RICTOR: variants seen among roughly 807,000 people sequenced by gnomAD.
The protein encoded by RICTOR is RPTOR independent companion of MTOR complex 2, also known as rapamycin-insensitive companion of mTOR.
In RICTOR, 49 loss-of-function variants were observed where a neutral mutation model predicts 214.9. That is an observed-to-expected ratio of 0.23 (90% CI 0.18 to 0.29). RICTOR has a LOEUF of 0.29. RICTOR is among the 10% of genes least tolerant of loss of function. RICTOR has a pLI of 1.00. For missense variants in RICTOR, 1,625 were observed against 2,047.0 expected (o/e 0.79, Z 3.98); for synonymous variants, 717 against 711.3 (o/e 1.01, Z -0.13).
At chr5:38,953,188 G>C (rs1748944070) in intron 28 of RICTOR, 97 bp from the exon 29 acceptor site, 6 of 808,820 alleles carry the variant, frequency 7.4e-6, no homozygotes, top group Admixed American at 5.0e-5. Context: ...ATCTCTGAGA[G>C]AGAAAAAATG....
chr5:39,016,713 G>C (rs1393416851), intron 3 of RICTOR, among the ~76,000 whole-genome samples: 1 of 152,116 alleles, frequency 6.6e-6, no homozygotes, highest in African/African-American at 2.4e-5. Context: ...CAGATTCCTA[G>C]AAATGAAGGC....
chr5:39,004,528 G>C (rs534042006), intron 3 of RICTOR, among the ~76,000 whole-genome samples: 128 of 150,020 alleles, frequency 8.5e-4, no homozygotes, highest in Middle Eastern at 3.5e-3. Context: ...GGCCTGATCT[G>C]AGATCACTGC....
At chr5:39,043,577 T>A (rs1757305627) in intron 2 of RICTOR, among the ~76,000 whole-genome samples, 1 of 152,178 alleles carries the variant, frequency 6.6e-6, no homozygotes, top group Non-Finnish European at 1.5e-5. Flanking sequence ...CAGTACTGTA[T>A]TGTATATTTC....
At chr5:38,990,537 GAT>G (rs1333817100) in intron 7 of RICTOR, among the ~76,000 whole-genome samples, 2 of 145,488 alleles carry the variant, frequency 1.4e-5, no homozygotes, top group Non-Finnish European at 3.0e-5. Flanking sequence ...ATATATATAC[GAT>G]ATATACACGA....
intron 7 of RICTOR, among the ~76,000 whole-genome samples, chr5:38,985,232 T>G (rs1468160554): frequency 6.6e-6 from 1 of 152,210 alleles, no homozygotes; most frequent in Admixed American, 6.5e-5. Context: ...GTCCTTTATA[T>G]AAAATGGCAT....
Position 38,945,021 on chromosome 5 carries a change from T to G in RICTOR, c.4681A>C (p.Asn1561His). Residue 1561 changes from asparagine (N) to histidine (H), a missense_variant, in exon 35 of 38, where the codon AAT (asparagine) becomes CAT (histidine). Around this residue, in one of 5 missense-constraint regions of RICTOR, gnomAD observed 1,214 missense variants for 1,470.5 expected, o/e 0.83. Coordinates refer to ENST00000357387, the MANE Select transcript of RICTOR (RefSeq NM_152756.5). ...TTAGAGGGAACCACTTCTAAAGGAT[T>G]ATGGATAGTCTGCTCACACCAATCA... is the stretch of plus-strand genomic sequence containing the variant. The part of the protein sequence containing the change: ...YSDWCEQTIH[N>H]PLEVVPSKFS... 1 of 1,611,950 alleles carries G rather than the reference T, an allele frequency of 6.2e-7. No homozygotes were observed. The highest frequency in any genetic ancestry group is 1.3e-5 in the African/African-American group (1 of 74,994).
At chr5:38,967,526 A>G (rs1377407394) in intron 12 of RICTOR, 99 bp from the exon 13 acceptor site, 8 of 871,654 alleles carry the variant, frequency 9.2e-6, no homozygotes, top group Non-Finnish European at 1.5e-5. Flanking sequence ...AAGAACTTTA[A>G]AAAGTGCTGG....
At chr5:39,005,015 A>T (rs913645430) in intron 3 of RICTOR, among the ~76,000 whole-genome samples, 16 of 152,208 alleles carry the variant, frequency 1.1e-4, no homozygotes, top group Non-Finnish European at 1.9e-4. Flanking sequence ...TCCCGACCTC[A>T]GGTGATCCGC....
At chr5:39,068,491 T>G (rs1260169806) in intron 2 of RICTOR, among the ~76,000 whole-genome samples, 1 of 152,220 alleles carries the variant, frequency 6.6e-6, no homozygotes, top group African/African-American at 2.4e-5. Flanking sequence ...AAAAAAGGCC[T>G]TGAATGCCAA....
At chr5:39,040,329 AG>A (rs1283333096) in intron 2 of RICTOR, among the ~76,000 whole-genome samples, 1 of 57,282 alleles carries the variant, frequency 1.7e-5, no homozygotes, top group Non-Finnish European at 3.2e-5. Flanking sequence ...GGGTGGGGGG[AG>A]GGGGGAGGGA....
chr5:39,020,672 T>C (rs1158272616), intron 3 of RICTOR, among the ~76,000 whole-genome samples: 3 of 152,230 alleles, frequency 2.0e-5, no homozygotes, highest in Admixed American at 2.0e-4. Flanking sequence ...TGCGACACTT[T>C]ATTGCACTGG....
chr5:38,987,581 A>G (rs938412684), intron 7 of RICTOR, among the ~76,000 whole-genome samples: 1 of 151,258 alleles, frequency 6.6e-6, no homozygotes, highest in Non-Finnish European at 1.5e-5. Context: ...TTTTTATTGC[A>G]CCTATTTGAT....
intron 15 of RICTOR, 111 bp downstream of exon 15, chr5:38,966,530 A>G: frequency 1.5e-6 from 1 of 665,624 alleles, no homozygotes. Context: ...CATTTATAAG[A>G]AATGCAAATT....
chr5:38,985,187 G>A (rs1752069662), intron 7 of RICTOR, among the ~76,000 whole-genome samples: 1 of 152,022 alleles, frequency 6.6e-6, no homozygotes, highest in Non-Finnish European at 1.5e-5. Context: ...ATGGTTCTAG[G>A]ACCCCCGATG....
chr5:38,953,978 A>T (rs2112880556), intron 27 of RICTOR, among the ~76,000 whole-genome samples: 1 of 152,084 alleles, frequency 6.6e-6, no homozygotes, highest in South Asian at 2.1e-4. Flanking sequence ...TGTAAGTAGT[A>T]ACACTGAGAA....
intron 3 of RICTOR, among the ~76,000 whole-genome samples, chr5:39,018,605 T>C (rs576981134): frequency 3.9e-4 from 59 of 152,276 alleles, no homozygotes; most frequent in South Asian, 1.5e-3. Context: ...TCAATGTAAC[T>C]ATTATCATTG....
intron 7 of RICTOR, among the ~76,000 whole-genome samples, chr5:38,984,846 C>T (rs925172306): frequency 2.6e-5 from 4 of 152,116 alleles, no homozygotes; most frequent in Admixed American, 6.6e-5. Flanking sequence ...TTGATACAGA[C>T]TCTCGCTCTA....
chr5:39,045,748 T>G (rs2150177633), intron 2 of RICTOR, among the ~76,000 whole-genome samples: 1 of 152,244 alleles, frequency 6.6e-6, no homozygotes, highest in East Asian at 1.9e-4. Context: ...TGTCTATAGT[T>G]CAGATCATTT....
At chr5:39,009,917 T>C (rs993410098) in intron 3 of RICTOR, among the ~76,000 whole-genome samples, 1 of 152,206 alleles carries the variant, frequency 6.6e-6, no homozygotes, top group African/African-American at 2.4e-5. Flanking sequence ...ATGACTACCT[T>C]ACTAGTTATC....
Sources: gnomAD v4.1 joint callset for allele counts (sites outside exome capture counted in the v4.1 genomes callset) on GRCh38, gnomAD v4.1.1 for gene constraint, gnomAD v4.1.1 regional missense constraint, MANE v1.5 for transcripts, NCBI Gene and HGNC (gene_info 2026-07-23, HGNC 2026-07-21) for gene names.